The following PPP1R14C variants were observed in gnomAD, a reference collection of about 807,000 sequenced individuals.
The protein encoded by PPP1R14C is protein phosphatase 1 regulatory subunit 14C.
In PPP1R14C, 16 loss-of-function variants were observed where a neutral mutation model predicts 20.4. The observed-to-expected ratio is 0.78, with a 90% CI of 0.53 to 1.19. The LOEUF is 1.19. Among genes scored for constraint, PPP1R14C ranks in the 50% most tolerant of loss-of-function variants. The pLI, the probability that PPP1R14C is intolerant of heterozygous loss-of-function variation, is 0.00. For synonymous variants in PPP1R14C, 91 were observed against 91.0 expected, an observed-to-expected ratio of 1.00 and a Z score of 0.00; for missense variants, 211 against 220.1, an observed-to-expected ratio of 0.96 and a Z score of 0.26.
chr6:150,239,623 T>C (rs1156929581), intron 3 of PPP1R14C, among the ~76,000 whole-genome samples: 1 of 152,218 alleles, frequency 6.6e-6, no homozygotes, highest in African/African-American at 2.4e-5. Flanking sequence ...AGTAAATGTC[T>C]GCATCAGGAA....
At chr6:150,241,862 G>A (rs1387999373) in intron 3 of PPP1R14C, among the ~76,000 whole-genome samples, 1 of 152,142 alleles carries the variant, frequency 6.6e-6, no homozygotes, top group Non-Finnish European at 1.5e-5. Context: ...ACTCCAGCCT[G>A]GGTGACAGAG....
At chr6:150,171,591 T>A (rs912561) in intron 1 of PPP1R14C, among the ~76,000 whole-genome samples, 1 of 152,142 alleles carries the variant, frequency 6.6e-6, no homozygotes, top group East Asian at 1.9e-4. Flanking sequence ...GAAAGTTAAG[T>A]GATTTTCTTC....
intron 3 of PPP1R14C, among the ~76,000 whole-genome samples, chr6:150,222,765 CTTT>C (rs4038164): frequency 1.3e-4 from 9 of 71,278 alleles, no homozygotes; most frequent in Admixed American, 4.7e-4. Flanking sequence ...TTCAAACTGG[CTTT>C]TTTTTTTTTT....
At chr6:150,209,410 G>A (rs1258592982) in intron 1 of PPP1R14C, among the ~76,000 whole-genome samples, 5 of 144,984 alleles carry the variant, frequency 3.4e-5, no homozygotes, top group Non-Finnish European at 6.2e-5. Context: ...TTAGAAGTGT[G>A]TGTATATATC....
chr6:150,188,482 CTTTTTTTTTTTTTT>C (rs753993224), intron 1 of PPP1R14C, among the ~76,000 whole-genome samples: 2 of 104,982 alleles, frequency 1.9e-5, no homozygotes, highest in African/African-American at 7.7e-5. Context: ...CAGGAATTAC[CTTTTTTTTTTTTTT>C]TTTTTTTTGA....
chr6:150,204,109 T>G (rs1361160261), intron 1 of PPP1R14C, among the ~76,000 whole-genome samples: 3 of 152,228 alleles, frequency 2.0e-5, no homozygotes, highest in African/African-American at 7.2e-5. Context: ...ACAGGAGCCG[T>G]GAGGGTGGCG....
At position 150,192,276 on chromosome 6, in the gene PPP1R14C, C is replaced by T. The variant is rs77445454; in HGVS notation, c.307-22468C>T. 9.6e-4 allele frequency among the ~76,000 whole-genome samples: 146 copies of T among 152,258 alleles called. 1 individual carries two copies. Among genetic ancestry groups the T allele is most frequent in the African/African-American group, 3.2e-3 (135 of 41,544 alleles). Reference sequence around the variant, plus strand: ...GAGCAGTGGTCCCCAACCTTTTTGGCATCAGGGGCTAGTTTCACGGGAGAC... The same window carrying T: ...GAGCAGTGGTCCCCAACCTTTTTGGTATCAGGGGCTAGTTTCACGGGAGAC... On this transcript the variant is annotated intron_variant, in intron 1 of 3. Coordinates refer to ENST00000361131, the MANE Select transcript of PPP1R14C (RefSeq NM_030949.3).
chr6:150,158,024 T>C (rs1777323801), intron 1 of PPP1R14C, among the ~76,000 whole-genome samples: 1 of 152,206 alleles, frequency 6.6e-6, no homozygotes, highest in African/African-American at 2.4e-5. Flanking sequence ...TTGGTCTATC[T>C]AGAAGGATGA....
At chr6:150,172,661 A>C (rs1205560593) in intron 1 of PPP1R14C, among the ~76,000 whole-genome samples, 1 of 152,160 alleles carries the variant, frequency 6.6e-6, no homozygotes, top group Non-Finnish European at 1.5e-5. Context: ...TGGCCTGAAA[A>C]TGAAGTTCTT....
intron 3 of PPP1R14C, among the ~76,000 whole-genome samples, chr6:150,248,005 A>C (rs890120263): frequency 6.6e-6 from 1 of 152,178 alleles, no homozygotes; most frequent in Non-Finnish European, 1.5e-5. Flanking sequence ...TGGCACTGGC[A>C]TCTGGAGAGG....
chr6:150,182,296 C>T (rs1459294425), intron 1 of PPP1R14C, among the ~76,000 whole-genome samples: 1 of 152,186 alleles, frequency 6.6e-6, no homozygotes, highest in Non-Finnish European at 1.5e-5. Context: ...TTGCCTCAGG[C>T]TGCTATAACA....
chr6:150,230,917 A>G (rs1778286768), intron 3 of PPP1R14C, among the ~76,000 whole-genome samples: 2 of 152,200 alleles, frequency 1.3e-5, no homozygotes, highest in Non-Finnish European at 2.9e-5. Flanking sequence ...AGAGGAACAG[A>G]TGAATTACTT....
chr6:150,174,608 CAG>C (rs1777540560), intron 1 of PPP1R14C, among the ~76,000 whole-genome samples: 1 of 151,964 alleles, frequency 6.6e-6, no homozygotes, highest in Non-Finnish European at 1.5e-5. Context: ...GAAGGCCTGG[CAG>C]ATATTCAGTG....
intron 2 of PPP1R14C, 62 bp downstream of exon 2, chr6:150,214,889 T>C (rs1244816423): frequency 1.1e-5 from 14 of 1,217,792 alleles, no homozygotes; most frequent in Non-Finnish European, 1.2e-6. Context: ...TACTTGGGTC[T>C]TCAGTGCTTG....
intron 3 of PPP1R14C, among the ~76,000 whole-genome samples, chr6:150,247,568 G>A (rs1280531154): frequency 6.6e-6 from 1 of 152,192 alleles, no homozygotes; most frequent in Admixed American, 6.5e-5. Context: ...GAGTAGAATA[G>A]AAATACCAGA....
rs529308504 is a variant in PPP1R14C, at chr6:150,193,394, GA to G, written c.307-21343del. On this transcript the variant is annotated intron_variant, in intron 1 of 3. Transcript: ENST00000361131. ...ACTACTCAGAAAGACAGGAAAACAA[GA>G]AAAAAAGTACATTTTCTTTATTAGA... Among the ~76,000 whole-genome samples the G allele has an allele frequency of 3.3e-3, 495 of 151,814 alleles. 3 individuals carry two copies. Among genetic ancestry groups the G allele is most frequent in the Middle Eastern group, 6.8e-3 (2 of 294 alleles).
At chr6:150,154,488 A>G (rs1259115681) in intron 1 of PPP1R14C, among the ~76,000 whole-genome samples, 1 of 152,224 alleles carries the variant, frequency 6.6e-6, no homozygotes, top group East Asian at 1.9e-4. Flanking sequence ...TTGAAAAAAA[A>G]TGAGGGAGAT....
intron 3 of PPP1R14C, among the ~76,000 whole-genome samples, chr6:150,222,950 C>T (rs1778188136): frequency 6.6e-6 from 1 of 151,552 alleles, no homozygotes; most frequent in Non-Finnish European, 1.5e-5. Flanking sequence ...TGTGTTTTTA[C>T]TAGAGACTGG....
chr6:150,171,145 G>A (rs548936325), intron 1 of PPP1R14C, among the ~76,000 whole-genome samples: 2 of 152,232 alleles, frequency 1.3e-5, no homozygotes, highest in East Asian at 1.9e-4. Context: ...TCCACTCAAG[G>A]TGCTGTACAT....
Sources: allele counts gnomAD v4.1 joint callset (sites outside exome capture counted in the v4.1 genomes callset), GRCh38; gene constraint gnomAD v4.1.1; transcripts MANE v1.5; gene names NCBI Gene and HGNC (gene_info 2026-07-23, HGNC 2026-07-21).